MCF2L2: variants seen among roughly 807,000 people sequenced by gnomAD.
MCF2L2 encodes probable guanine nucleotide exchange factor MCF2L2.
Under a neutral mutation model 150.2 loss-of-function variants are expected in MCF2L2, and 102 were observed. The ratio of observed to expected loss-of-function variants is 0.68; its 90% CI spans 0.58 to 0.80. The LOEUF (loss-of-function observed/expected upper bound fraction) is 0.80, where lower values mean the gene tolerates loss of function less well. Among genes scored for constraint, MCF2L2 ranks in the 30% least tolerant of loss-of-function variants. MCF2L2 has a pLI of 0.00. For synonymous variants in MCF2L2, 465 were observed against 491.3 expected, an observed-to-expected ratio of 0.95 and a Z score of 0.71; for missense variants, 1,256 against 1,372.8, an observed-to-expected ratio of 0.91 and a Z score of 1.34.
At chr3:183,193,498 G>C (rs575862513) in intron 26 of MCF2L2, among the ~76,000 whole-genome samples, 9 of 151,988 alleles carry the variant, frequency 5.9e-5, no homozygotes, top group Admixed American at 5.9e-4. Context: ...CTACATGCGT[G>C]TGCCACCACA....
intron 6 of MCF2L2, among the ~76,000 whole-genome samples, chr3:183,321,115 A>G (rs1467331194): frequency 3.3e-5 from 5 of 152,204 alleles, no homozygotes; most frequent in Non-Finnish European, 1.5e-5. Flanking sequence ...AGCAACACCA[A>G]AGATTGCTGA....
Position 183,428,258 on chromosome 3 carries a change from C to A in MCF2L2, c.-281G>T. Reference sequence around the variant, plus strand: ...GCAAAAGGAAGCAAGTCGCCAATCTCGCCGGAACCGCGCCCCGGCTCCTCC... The same window carrying A: ...GCAAAAGGAAGCAAGTCGCCAATCTAGCCGGAACCGCGCCCCGGCTCCTCC... On this transcript the variant is annotated 5_prime_UTR_variant, in exon 1 of 30. Transcript: ENST00000328913. The surrounding 1 kb of genome is among the most constrained non-coding windows in gnomAD (Gnocchi z 5.1). 7.6e-6 allele frequency: 3 copies of A among 393,834 alleles called. No homozygotes were observed. In the South Asian group the frequency reaches 9.1e-5, roughly 12 times the overall value. 24.4% of individuals were successfully genotyped at this position (393,834 alleles called of 1,614,324 possible).
chr3:183,341,680 C>G, intron 3 of MCF2L2, 50 bp from the exon 4 acceptor site: 5 of 1,262,758 alleles, frequency 4.0e-6, no homozygotes, highest in Non-Finnish European at 5.8e-6. Flanking sequence ...CCCATATGCT[C>G]CATGTGGCTC....
intron 27 of MCF2L2, among the ~76,000 whole-genome samples, chr3:183,187,902 G>T (rs564648896): frequency 2.6e-5 from 4 of 152,154 alleles, no homozygotes; most frequent in Non-Finnish European, 5.9e-5. Context: ...CAGCTGGCAC[G>T]TGGAATCCTT....
intron 2 of MCF2L2, among the ~76,000 whole-genome samples, chr3:183,388,776 A>C (rs1024590556): frequency 2.0e-5 from 3 of 152,168 alleles, no homozygotes; most frequent in Non-Finnish European, 4.4e-5. Flanking sequence ...ATATCCCAAT[A>C]ATAACTGAGT....
At chr3:183,361,070 C>CAGAAG (rs879802085) in intron 3 of MCF2L2, among the ~76,000 whole-genome samples, 13,731 of 108,780 alleles carry the variant, frequency 0.13, 1,718 homozygotes, top group African/African-American at 0.29. Context: ...CCAGATAAGA[C>CAGAAG]AGAAGAGAAG....
At chr3:183,386,270 T>C (rs1452422145) in intron 2 of MCF2L2, among the ~76,000 whole-genome samples, 1 of 152,222 alleles carries the variant, frequency 6.6e-6, no homozygotes, top group Non-Finnish European at 1.5e-5. Context: ...TATACTCTCT[T>C]GTTTCCTAGC....
rs546615854 is a variant in MCF2L2 at position 183,305,614 on chromosome 3, G to A, written c.1113+4102C>T. Among the ~76,000 whole-genome samples the A allele has an allele frequency of 1.3e-5, 2 of 152,352 alleles. No homozygotes were observed. The highest frequency in any genetic ancestry group is 4.1e-4 in the South Asian group (2 of 4,826). ...GCCTGTAATCCCAGCACTTTGGGAAGCCAAGGCCGGCGGATCACAAGGTCA... is the reference window on the plus strand; with the variant it reads ...GCCTGTAATCCCAGCACTTTGGGAAACCAAGGCCGGCGGATCACAAGGTCA... On this transcript the variant is annotated intron_variant, in intron 10 of 29. Transcript: ENST00000328913. This position sits in a 1 kb window ranked among gnomAD's most constrained non-coding sequence, Gnocchi z 4.1.
intron 15 of MCF2L2, chr3:183,271,604 C>T (rs2108449099): frequency 6.0e-6 from 1 of 166,988 alleles, no homozygotes; most frequent in African/African-American, 2.4e-5. Context: ...TAATGTTGCC[C>T]TAATACTTTA....
intron 15 of MCF2L2, among the ~76,000 whole-genome samples, chr3:183,234,614 AG>A (rs762004069): frequency 3.3e-5 from 5 of 150,654 alleles, no homozygotes; most frequent in Non-Finnish European, 5.9e-5. Flanking sequence ...CATCAGTGTT[AG>A]GCCATTGCTT....
chr3:183,313,800 G>A (rs761263304), intron 7 of MCF2L2, among the ~76,000 whole-genome samples: 5 of 152,252 alleles, frequency 3.3e-5, no homozygotes, highest in East Asian at 3.9e-4. Flanking sequence ...ACAGGGTCCC[G>A]TTGGTGGCAG....
At chr3:183,259,721 C>T (rs1442333125) in intron 15 of MCF2L2, among the ~76,000 whole-genome samples, 4 of 152,110 alleles carry the variant, frequency 2.6e-5, no homozygotes, top group Non-Finnish European at 4.4e-5. Context: ...TTGTCACCCT[C>T]CTGCGACTTT....
rs1235497239 is a variant in MCF2L2 at position 183,283,200 on chromosome 3, C to A, written c.1776+5920G>T. ...AGTCAATGGGTATGATTTCTGCTCA[C>A]CTCTTTTTGCCATAGCTATTAGTAA... On this transcript the variant is annotated intron_variant, in intron 14 of 29. Transcript: ENST00000328913. This position sits in a 1 kb window ranked among gnomAD's most constrained non-coding sequence, Gnocchi z 4.2. Among the ~76,000 whole-genome samples, 1 of 152,200 alleles carries A rather than the reference C, an allele frequency of 6.6e-6. No individual in the cohort carries two copies. Among genetic ancestry groups the A allele is most frequent in the Non-Finnish European group, 1.5e-5 (1 of 68,040 alleles).
chr3:183,180,206 C>T (rs763441023), intron 27 of MCF2L2, 47 bp from the exon 28 acceptor site: 3 of 1,239,966 alleles, frequency 2.4e-6, no homozygotes, highest in African/African-American at 1.5e-5. Flanking sequence ...GGTGGGAGGA[C>T]ATCCCCTCTG....
chr3:183,398,565 T>TA (rs202012029), intron 1 of MCF2L2, among the ~76,000 whole-genome samples: 2,302 of 151,440 alleles, frequency 0.015, 56 homozygotes, highest in African/African-American at 0.053. Flanking sequence ...CTTTTTTCTT[T>TA]AAAAAAAGAA....
At chr3:183,426,400 G>T (rs564544915) in intron 1 of MCF2L2, among the ~76,000 whole-genome samples, 79 of 152,306 alleles carry the variant, frequency 5.2e-4, no homozygotes, top group African/African-American at 1.8e-3. Flanking sequence ...GTGACAGAGG[G>T]ACCAGGGATA....
chr3:183,404,723 C>G (rs543722704), intron 1 of MCF2L2, among the ~76,000 whole-genome samples: 19 of 152,186 alleles, frequency 1.2e-4, no homozygotes, highest in African/African-American at 4.3e-4. Context: ...ATTAGCCGGG[C>G]ATGGTGGTGG....
chr3:183,386,877 G>A lies in MCF2L2; in HGVS notation c.160+2819C>T, dbSNP rs141398577. On this transcript the variant is annotated intron_variant, in intron 2 of 29. Transcript: ENST00000328913. ...TGATTCCAAACAAAGTGCTGACTCA[G>A]AGAGACCCACGGCTGCCGCTATTCT... Among the ~76,000 whole-genome samples the A allele has an allele frequency of 3.6e-3, 549 of 152,334 alleles. 3 individuals are homozygous for A. Among genetic ancestry groups the A allele is most frequent in the African/African-American group, 0.012 (491 of 41,584 alleles).
At chr3:183,360,986 A>AGAGAAG (rs1560040059) in intron 3 of MCF2L2, among the ~76,000 whole-genome samples, 1 of 130,276 alleles carries the variant, frequency 7.7e-6, no homozygotes, top group East Asian at 2.2e-4. Context: ...AAGAAAAGAA[A>AGAGAAG]AGAAAAGAAA....
Sources: gnomAD v4.1 joint callset for allele counts (sites outside exome capture counted in the v4.1 genomes callset) on GRCh38, gnomAD v4.1.1 for gene constraint, Gnocchi (gnomAD v3.1) non-coding constraint, MANE v1.5 for transcripts, NCBI Gene and HGNC (gene_info 2026-07-23, HGNC 2026-07-21) for gene names.